EIF2AK3: variants seen among roughly 807,000 people sequenced by gnomAD.
EIF2AK3 encodes the protein eukaryotic translation initiation factor 2-alpha kinase 3.
EIF2AK3 carries 50 observed loss-of-function variants against 113.5 expected under a neutral mutation model. That is an observed-to-expected ratio of 0.44 (90% CI 0.35 to 0.56). The LOEUF is 0.56. Among genes scored for constraint, EIF2AK3 ranks in the 20% least tolerant of loss-of-function variants. The pLI, the probability that EIF2AK3 is intolerant of heterozygous loss-of-function variation, is 0.00. For missense variants in EIF2AK3, 1,185 were observed against 1,378.0 expected, an observed-to-expected ratio of 0.86 and a Z score of 2.22; for synonymous variants, 448 against 495.4, an observed-to-expected ratio of 0.90 and a Z score of 1.27.
chr2:88,557,613 AAGT>A lies in EIF2AK3; in HGVS notation c.*120_*122del, dbSNP rs367921558. The A allele has an allele frequency of 4.4e-5, 47 of 1,058,932 alleles. No individual in the cohort carries two copies. The East Asian group carries it at 8.1e-4, about 18-fold the overall frequency. The allele number at this position is 1,058,932 out of a possible 1,614,324, so 65.6% of individuals were successfully genotyped here. A position where few individuals can be genotyped will look rare whatever the true frequency, so the allele number is the denominator to read the frequency against. ...ATCCAGCTTAAATTTGATATAAAAA[AAGT>A]AGTCCACAAAAAAATTGAGCGAAGA... is the stretch of plus-strand genomic sequence containing the variant. On this transcript the variant is annotated 3_prime_UTR_variant, in exon 17 of 17. Transcript: ENST00000303236.
chr2:88,567,146 C>CA (rs1463200073), intron 14 of EIF2AK3, among the ~76,000 whole-genome samples: 2 of 151,828 alleles, frequency 1.3e-5, no homozygotes, highest in Non-Finnish European at 2.9e-5. Context: ...ATTTATTCAT[C>CA]AATAAATCTT....
chr2:88,562,416 A>G (rs1403161206), intron 14 of EIF2AK3, 26 bp from the exon 15 acceptor site: 2 of 1,568,876 alleles, frequency 1.3e-6, no homozygotes, highest in Non-Finnish European at 1.8e-6. Context: ...AAGAAAATTT[A>G]AAAATTAACA....
chr2:88,594,310 A>T (rs1674959574), intron 3 of EIF2AK3, among the ~76,000 whole-genome samples: 1 of 152,200 alleles, frequency 6.6e-6, no homozygotes, highest in South Asian at 2.1e-4. Flanking sequence ...CTCGTACCTC[A>T]GCCTCCTGAC....
At chr2:88,573,523 G>A (rs1027602520) in intron 13 of EIF2AK3, among the ~76,000 whole-genome samples, 1 of 152,128 alleles carries the variant, frequency 6.6e-6, no homozygotes, top group Non-Finnish European at 1.5e-5. Context: ...GTGGTCTCCT[G>A]TAAACTGTCT....
chr2:88,620,200 C>T (rs750490648), intron 1 of EIF2AK3, among the ~76,000 whole-genome samples: 1 of 152,140 alleles, frequency 6.6e-6, no homozygotes, highest in Admixed American at 6.5e-5. Flanking sequence ...AAGCCTTTCA[C>T]AATTTGGTTT....
chr2:88,565,981 A>G (rs1337746313), intron 14 of EIF2AK3, among the ~76,000 whole-genome samples: 3 of 152,196 alleles, frequency 2.0e-5, no homozygotes, highest in Non-Finnish European at 4.4e-5. Context: ...AAAGTCTCCT[A>G]TAAATAAAAA....
intron 2 of EIF2AK3, among the ~76,000 whole-genome samples, chr2:88,598,423 A>G (rs1675069809): frequency 6.6e-6 from 1 of 152,204 alleles, no homozygotes; most frequent in African/African-American, 2.4e-5. Context: ...TGGATAACCA[A>G]AAGTAAAAAT....
intron 6 of EIF2AK3, 148 bp from the exon 7 acceptor site, chr2:88,589,049 A>C: frequency 1.1e-6 from 1 of 945,128 alleles, no homozygotes; most frequent in East Asian, 2.6e-5. Context: ...CTCAAAGATA[A>C]ACTCAATGTT....
At chr2:88,570,738 G>C in intron 14 of EIF2AK3, 136 bp downstream of exon 14, 1 of 1,109,834 alleles carries the variant, frequency 9.0e-7, no homozygotes, top group Non-Finnish European at 1.4e-6. Flanking sequence ...TTCCACTACT[G>C]GAACACTACT....
chr2:88,592,792 G>C (rs981889628), intron 4 of EIF2AK3, among the ~76,000 whole-genome samples: 1 of 151,266 alleles, frequency 6.6e-6, no homozygotes, highest in Non-Finnish European at 1.5e-5. Flanking sequence ...TCATTAACCT[G>C]AGACTAAACT....
Position 88,585,842 on chromosome 2 carries a change from C to T in EIF2AK3, c.1649G>A (p.Arg550Lys), listed in dbSNP as rs761661210. Residue 550 changes from arginine to lysine, a missense_variant and splice_region_variant, in exon 9 of 17, where the codon AGG (arginine) becomes AAG (lysine). Physicochemically the swap from Arg to Lys is conservative, Grantham distance 26. This residue lies in a region of EIF2AK3 where 877 missense variants were observed against 1,024.2 expected (regional missense o/e 0.86). Transcript: ENST00000303236. Reference sequence around the variant, plus strand: ...ACAGTAAGCAACCATGATTCTTACCCTGTGAGGATGAGGATGGAAAAGCCT... The same window carrying T: ...ACAGTAAGCAACCATGATTCTTACCTTGTGAGGATGAGGATGGAAAAGCCT... ...VRRLFHPHPH[R>K]QRKESETQCQ... 2 of 1,613,230 alleles carry T rather than the reference C, an allele frequency of 1.2e-6. No individual in the cohort carries two copies. The highest frequency in any genetic ancestry group is 8.5e-7 in the Non-Finnish European group (1 of 1,179,372).
At chr2:88,616,910 C>T (rs546230751) in intron 1 of EIF2AK3, among the ~76,000 whole-genome samples, 3 of 152,106 alleles carry the variant, frequency 2.0e-5, no homozygotes, top group South Asian at 2.1e-4. Context: ...AAAGTAAAGC[C>T]GCAAGTTGAC....
intron 2 of EIF2AK3, among the ~76,000 whole-genome samples, chr2:88,603,775 A>T (rs1369529355): frequency 6.6e-6 from 1 of 152,172 alleles, no homozygotes; most frequent in Non-Finnish European, 1.5e-5. Flanking sequence ...TTCCCATGAC[A>T]CAAGCAATTC....
At chr2:88,619,255 T>C (rs965873810) in intron 1 of EIF2AK3, among the ~76,000 whole-genome samples, 1 of 152,132 alleles carries the variant, frequency 6.6e-6, no homozygotes, top group African/African-American at 2.4e-5. Flanking sequence ...CCTCCTAAAG[T>C]GCTGGGATTA....
Position 88,590,454 on chromosome 2 carries a change from C to A in EIF2AK3, c.1154G>T (p.Ser385Ile). The change falls in exon 6 of 17, where the codon AGT (serine) becomes ATT (isoleucine). Residue 385 changes from serine to isoleucine, a missense_variant. Physicochemically the swap from Ser to Ile is moderately radical, Grantham distance 142. This residue lies in a region of EIF2AK3 where 877 missense variants were observed against 1,024.2 expected (regional missense o/e 0.86). Coordinates refer to ENST00000303236, the MANE Select transcript of EIF2AK3 (RefSeq NM_004836.7). ...VEAARGATEN[S>I]VYLGMYRGQL... ...ATACATTTACTCACCCAAGTAAACACTGTTTTCTGTGGCTCCTCTGGCAGC... is the reference window on the plus strand; with the variant it reads ...ATACATTTACTCACCCAAGTAAACAATGTTTTCTGTGGCTCCTCTGGCAGC... 6.2e-7 allele frequency: 1 copy of A among 1,613,848 alleles called. No individual in the cohort carries two copies. Among genetic ancestry groups the A allele is most frequent in the African/African-American group, 1.3e-5 (1 of 75,022 alleles).
intron 2 of EIF2AK3, among the ~76,000 whole-genome samples, chr2:88,597,017 G>A (rs1433012667): frequency 1.3e-5 from 2 of 152,100 alleles, no homozygotes; most frequent in African/African-American, 4.8e-5. Flanking sequence ...AAAACTTTAG[G>A]AAACAGGAAT....
chr2:88,606,641 T>G (rs2104459512), intron 2 of EIF2AK3, among the ~76,000 whole-genome samples: 1 of 152,346 alleles, frequency 6.6e-6, no homozygotes, highest in South Asian at 2.1e-4. Flanking sequence ...AAGAGAAGCT[T>G]TAAAAGAGAT....
intron 6 of EIF2AK3, among the ~76,000 whole-genome samples, 155 bp from the exon 7 acceptor site, chr2:88,589,056 T>A (rs759629846): frequency 5.3e-5 from 8 of 152,210 alleles, no homozygotes; most frequent in Admixed American, 1.3e-4. Context: ...ATAAACTCAA[T>A]GTTTATTCAA....
chr2:88,571,048 A>G lies in EIF2AK3; in HGVS notation c.2818-7T>C, dbSNP rs768446388. On this transcript the variant is annotated splice_region_variant and splice_polypyrimidine_tract_variant and intron_variant, in intron 13 of 16. Transcript: ENST00000303236. The stretch of plus-strand genomic sequence containing the variant: ...TAAAGAATATGTTGGATGGCTGGAA[A>G]GAATACAACAGACAAAAGTACAGTG... 5 of 1,614,092 alleles carry G rather than the reference A, an allele frequency of 3.1e-6. No homozygotes were observed. In the East Asian group the frequency reaches 8.9e-5, roughly 29 times the overall value.
Sources: gnomAD v4.1 joint callset for allele counts (sites outside exome capture counted in the v4.1 genomes callset) on GRCh38, gnomAD v4.1.1 for gene constraint, gnomAD v4.1.1 regional missense constraint, MANE v1.5 for transcripts, NCBI Gene and HGNC (gene_info 2026-07-23, HGNC 2026-07-21) for gene names.